Variants in ZFC3H1 observed in about 807,000 individuals in gnomAD.
The protein encoded by ZFC3H1 is zinc finger C3H1-type containing.
Under a neutral mutation model 243.7 loss-of-function variants are expected in ZFC3H1, and 71 were observed. That is an observed-to-expected ratio of 0.29 (90% CI 0.24 to 0.36). ZFC3H1 has a LOEUF of 0.36. Among genes scored for constraint, ZFC3H1 ranks in the 10% least tolerant of loss-of-function variants. The pLI is 1.00. For missense variants in ZFC3H1, 1,966 were observed against 2,317.1 expected (o/e 0.85, Z 3.11); for synonymous variants, 838 against 813.0 (o/e 1.03, Z -0.52).
chr12:71,618,862 C>T (rs972239951), intron 27 of ZFC3H1, among the ~76,000 whole-genome samples: 2 of 151,928 alleles, frequency 1.3e-5, no homozygotes, highest in Non-Finnish European at 2.9e-5. Context: ...TCCTCTGAAA[C>T]GTCTTACTCT....
intron 7 of ZFC3H1, among the ~76,000 whole-genome samples, chr12:71,637,737 A>C (rs925906769): frequency 1.3e-5 from 2 of 152,096 alleles, no homozygotes; most frequent in Non-Finnish European, 2.9e-5. Flanking sequence ...TATTCCCCTC[A>C]CCATATATGT....
intron 22 of ZFC3H1, 51 bp downstream of exon 22, chr12:71,626,209 T>TGC (rs1880160645): frequency 6.4e-6 from 7 of 1,089,476 alleles, no homozygotes; most frequent in Non-Finnish European, 9.0e-6. Flanking sequence ...CAAATAATTA[T>TGC]ACACACACAC....
In ZFC3H1 at chr12:71,636,593, G is replaced by A. The variant is rs767073585; in HGVS notation, c.1997C>T (p.Pro666Leu). ...ACTGACTATTGATAGATTGCTTCTT[G>A]GCACAGGATGTGAATTGTTCAGAAC... ...PPVLNNSHPV[P>L]RSNLSIVSIN... The change falls in exon 9 of 35, where the codon CCA (proline) becomes CTA (leucine). Residue 666 changes from proline (P) to leucine (L), a missense_variant. Transcript: ENST00000378743. 6.2e-7 allele frequency: 1 copy of A among 1,613,918 alleles called. No homozygotes were observed. The highest frequency in any genetic ancestry group is 1.1e-5 in the South Asian group (1 of 91,070).
rs1880688964 is a variant in ZFC3H1 at position 71,644,883 on chromosome 12, T to C, written c.1273A>G (p.Thr425Ala). 6.2e-7 allele frequency: 1 copy of C among 1,611,084 alleles called. No individual in the cohort carries two copies. Among genetic ancestry groups the C allele is most frequent in the Non-Finnish European group, 8.5e-7 (1 of 1,179,724 alleles). The change falls in exon 4 of 35, where the codon ACT becomes GCT. Residue 425 changes from threonine (T) to alanine (A), a missense_variant. This residue lies in a region of ZFC3H1 where 91 missense variants were observed against 107.6 expected (regional missense o/e 0.85). Transcript: ENST00000378743. ...TKTHSAKKVS[T>A]TAKQALRKQQ... ...ATTTAATAAAAATGATCACCTGTAG[T>C]GCTAACTTTTTTGGCCGAATGTGTT...
At chr12:71,626,139 T>C in intron 22 of ZFC3H1, 121 bp downstream of exon 22, 1 of 982,430 alleles carries the variant, frequency 1.0e-6, no homozygotes, top group Non-Finnish European at 1.4e-6. Context: ...AAGGTTATTA[T>C]GTCTATATTC....
rs754594027 is a variant in ZFC3H1 at position 71,663,602 on chromosome 12, G to A, written c.9C>T (p.Thr3=). ...TGGAGGCCGGGGCCGGAGTATCTGC[G>A]GTCGCCATCCGGGGAGCAGCGCCTT... MA[T]ADTPAPASSG... is the part of the protein sequence containing the mutation. The change falls in exon 1 of 35, where the codon ACC becomes ACT. Residue 3 remains threonine (T), a synonymous_variant. Coordinates refer to ENST00000378743, the MANE Select transcript of ZFC3H1 (RefSeq NM_144982.5). 1 of 1,609,084 alleles carries A rather than the reference G, an allele frequency of 6.2e-7. No individual in the cohort carries two copies. Among genetic ancestry groups the A allele is most frequent in the Non-Finnish European group, 8.5e-7 (1 of 1,178,930 alleles).
Position 71,619,315 on chromosome 12 carries a change from C to T in ZFC3H1, c.5144G>A (p.Arg1715Gln). ...ACAAACTAAGAATTCTACAACTTAC[C>T]GAAACAGATCCAAGTTATTATACTT... ...FEKYNNLDLF[R>Q]YLLNIPGPID... The change falls in exon 27 of 35, where the codon CGG becomes CAG. Residue 1715 changes from arginine to glutamine, a missense_variant and splice_region_variant. Physicochemically the swap from Arg to Gln is conservative, Grantham distance 43. This residue lies in a region of ZFC3H1 where 1,383 missense variants were observed against 1,723.7 expected (regional missense o/e 0.80). Coordinates refer to ENST00000378743, the MANE Select transcript of ZFC3H1 (RefSeq NM_144982.5). 6.2e-7 allele frequency: 1 copy of T among 1,612,582 alleles called. No homozygotes were observed. Among genetic ancestry groups the T allele is most frequent in the Non-Finnish European group, 8.5e-7 (1 of 1,179,200 alleles).
chr12:71,663,735 C>A lies in ZFC3H1; in HGVS notation c.-125G>T. 8.5e-7 allele frequency: 1 copy of A among 1,181,438 alleles called. No homozygotes were observed. The allele number at this position is 1,181,438 out of a possible 1,614,324, so 73.2% of individuals were successfully genotyped here. ...GGTCTTACCCTACTCGGACACCAAG[C>A]GGCCTCTGCTCCCCAACTTCCCCGC... On this transcript the variant is annotated 5_prime_UTR_variant, in exon 1 of 35. Coordinates refer to ENST00000378743, the MANE Select transcript of ZFC3H1 (RefSeq NM_144982.5).
In ZFC3H1 at chr12:71,640,578, C is replaced by G. The variant is rs746705812; in HGVS notation, c.1627+1858G>C. 5.9e-5 allele frequency among the ~76,000 whole-genome samples: 9 copies of G among 152,220 alleles called. No individual in the cohort carries two copies. The South Asian group carries it at 1.0e-3, about 17-fold the overall frequency. The stretch of plus-strand genomic sequence containing the variant: ...TGGCTTTCCACAAGTCCACCCACCC[C>G]CAAGGCCATGCAACTGCAGTTCCTG... On this transcript the variant is annotated intron_variant, in intron 6 of 34. Coordinates refer to ENST00000378743, the MANE Select transcript of ZFC3H1 (RefSeq NM_144982.5).
Position 71,623,362 on chromosome 12 carries a change from T to C in ZFC3H1, c.4742A>G (p.Glu1581Gly). 5 of 1,603,264 alleles carry C rather than the reference T, an allele frequency of 3.1e-6. No homozygotes were observed. Among genetic ancestry groups the C allele is most frequent in the Non-Finnish European group, 4.3e-6 (5 of 1,175,740 alleles). The change falls in exon 24 of 35, where the codon GAA becomes GGA. Residue 1581 changes from glutamate to glycine, a missense_variant and splice_region_variant. Glu to Gly is a moderately conservative substitution (Grantham distance 98). This residue lies in a region of ZFC3H1 where 1,383 missense variants were observed against 1,723.7 expected (regional missense o/e 0.80). Transcript: ENST00000378743. ...TNPDMLLAVFEDAVKACTDES... is the reference protein window; with the variant it reads ...TNPDMLLAVFGDAVKACTDES... ...CAATTTATAAACTTTATACTTACCT[T>C]CAAAAACTGCTAACAACATGTCAGG...
At position 71,663,818 on chromosome 12, in the gene ZFC3H1, C is replaced by T. The variant is rs903467472; in HGVS notation, c.-208G>A. On this transcript the variant is annotated 5_prime_UTR_variant, in exon 1 of 35. Coordinates refer to ENST00000378743, the MANE Select transcript of ZFC3H1 (RefSeq NM_144982.5). ...GTCGCAACCCAGTTCCCTTTCCTAG[C>T]GCCCCCTTGCTCCTCAGCGATCGGG... 44 of 601,936 alleles carry T rather than the reference C, an allele frequency of 7.3e-5. No individual in the cohort carries two copies. The highest frequency in any genetic ancestry group is 4.3e-4 in the African/African-American group (23 of 54,092). The allele number at this position is 601,936 out of a possible 1,614,324, so 37.3% of individuals were successfully genotyped here.
At chr12:71,653,920 T>G (rs1312054634) in intron 2 of ZFC3H1, among the ~76,000 whole-genome samples, 1 of 152,042 alleles carries the variant, frequency 6.6e-6, no homozygotes, top group African/African-American at 2.4e-5. Context: ...AGCTGAGGCA[T>G]GAGAATCACT....
At chr12:71,657,337 T>C in intron 1 of ZFC3H1, 36 bp from the exon 2 acceptor site, 2 of 1,398,914 alleles carry the variant, frequency 1.4e-6, no homozygotes, top group Non-Finnish European at 1.9e-6. Context: ...TTTCCAAAAA[T>C]TTTCCACAGT....
At chr12:71,613,285 G>A in intron 31 of ZFC3H1, 50 bp downstream of exon 31, 3 of 1,276,350 alleles carry the variant, frequency 2.4e-6, no homozygotes, top group Non-Finnish European at 3.3e-6. Flanking sequence ...CTTATATAAA[G>A]AGCCTATTCC....
At chr12:71,641,436 T>G (rs1031178066) in intron 6 of ZFC3H1, among the ~76,000 whole-genome samples, 59 of 152,360 alleles carry the variant, frequency 3.9e-4, no homozygotes, top group African/African-American at 1.4e-3. Context: ...TAGGGAGAAA[T>G]ACACTGATCA....
In ZFC3H1 at chr12:71,636,880, A is replaced by G; in HGVS notation, c.1905T>C (p.Ser635=). 6.2e-7 allele frequency: 1 copy of G among 1,613,974 alleles called. No individual in the cohort carries two copies. Among genetic ancestry groups the G allele is most frequent in the Non-Finnish European group, 8.5e-7 (1 of 1,179,938 alleles). Reference sequence around the variant, plus strand: ...GCTTAAAAGCTCTTTTATTTGCTAGAGATTTAAGTAGTTCTTCTCGAAGCA... The same window carrying G: ...GCTTAAAAGCTCTTTTATTTGCTAGGGATTTAAGTAGTTCTTCTCGAAGCA... ...EMLLREELLK[S]LANKRAFKPE... Residue 635 remains serine (S), a synonymous_variant, in exon 8 of 35, where the codon TCT becomes TCC. Transcript: ENST00000378743.
At position 71,663,414 on chromosome 12, in the gene ZFC3H1, G is replaced by C. The variant is rs200302420; in HGVS notation, c.197C>G (p.Ser66Cys). Residue 66 changes from serine to cysteine, a missense_variant, in exon 1 of 35, where the codon TCT (serine) becomes TGT (cysteine). This residue lies in a region of ZFC3H1 where 484 missense variants were observed against 449.7 expected (regional missense o/e 1.08). Coordinates refer to ENST00000378743, the MANE Select transcript of ZFC3H1 (RefSeq NM_144982.5). ...CGAGGAAGAGCCACCGCCTCCGCCA[G>C]ATCCACCGCCCCGGGCCGAGTGAGG... ...RPPHSARGGG[S>C]GGGGGSSSSS... 1.6e-5 allele frequency: 25 copies of C among 1,611,916 alleles called. No individual in the cohort carries two copies. Among genetic ancestry groups the C allele is most frequent in the Admixed American group, 1.7e-5 (1 of 60,030 alleles).
At position 71,663,830 on chromosome 12, in the gene ZFC3H1, C is replaced by T. The variant is rs1012420485; in HGVS notation, c.-220G>A. ...TTCCCTTTCCTAGCGCCCCCTTGCT[C>T]CTCAGCGATCGGGGTTCTTCCGCCT... On this transcript the variant is annotated 5_prime_UTR_variant, in exon 1 of 35. Transcript: ENST00000378743. 5 of 586,986 alleles carry T rather than the reference C, an allele frequency of 8.5e-6. No individual in the cohort carries two copies. Among genetic ancestry groups the T allele is most frequent in the Non-Finnish European group, 9.0e-6 (3 of 334,494 alleles). 36.4% of individuals were successfully genotyped at this position (586,986 alleles called of 1,614,324 possible).
rs763500022 is a variant in ZFC3H1 at position 71,637,001 on chromosome 12, A to G, written c.1784T>C (p.Leu595Pro). 1.5e-5 allele frequency: 25 copies of G among 1,613,986 alleles called. No homozygotes were observed. The Admixed American group carries it at 3.0e-4, about 19-fold the overall frequency. ...VEGLCVSLEP[L>P]PPLPPLPPLP... ...AGGTGGTAATGGTGGTAGAGGAGGT[A>G]GAGGTTCAAGAGAAACACACAAGCC... Residue 595 changes from leucine to proline, a missense_variant, in exon 8 of 35, where the codon CTA becomes CCA. Transcript: ENST00000378743.
Sources: gnomAD v4.1 joint callset for allele counts (sites outside exome capture counted in the v4.1 genomes callset) on GRCh38, gnomAD v4.1.1 for gene constraint, gnomAD v4.1.1 regional missense constraint, MANE v1.5 for transcripts, NCBI Gene and HGNC (gene_info 2026-07-23, HGNC 2026-07-21) for gene names.